Variants in MTHFD1L observed in about 807,000 individuals in gnomAD.
MTHFD1L encodes monofunctional C1-tetrahydrofolate synthase, mitochondrial.
MTHFD1L carries 81 observed loss-of-function variants against 119.5 expected under a neutral mutation model. That is an observed-to-expected ratio of 0.68 (90% CI 0.57 to 0.82). The LOEUF is 0.82. MTHFD1L is among the 40% of genes least tolerant of loss of function. The pLI is 0.00. For missense variants in MTHFD1L, 1,125 were observed against 1,253.4 expected (o/e 0.90, Z 1.55); for synonymous variants, 430 against 475.2 (o/e 0.90, Z 1.24).
intron 26 of MTHFD1L, 120 bp downstream of exon 26, chr6:151,037,237 A>ATATT (rs1238853571): frequency 9.5e-7 from 1 of 1,052,136 alleles, no homozygotes; most frequent in African/African-American, 1.6e-5. Context: ...AGTAATTAAT[A>ATATT]GTACAGTATT....
chr6:150,877,647 A>G lies in MTHFD1L; in HGVS notation c.326A>G (p.Asn109Ser). 1 of 1,614,192 alleles carries G rather than the reference A, an allele frequency of 6.2e-7. No individual in the cohort carries two copies. Among genetic ancestry groups the G allele is most frequent in the Non-Finnish European group, 8.5e-7 (1 of 1,180,042 alleles). ...VLAIIQAGDD[N>S]LMQEINQNLA... The stretch of plus-strand genomic sequence containing the variant: ...TACCTTCCTAAGGCAGGTGACGACA[A>G]CTTGATGCAGGAAATCAACCAGAAT... Residue 109 changes from asparagine to serine, a missense_variant, in exon 3 of 28, where the codon AAC (asparagine) becomes AGC (serine). Asn to Ser is a conservative substitution (Grantham distance 46). Around this residue, in one of 3 missense-constraint regions of MTHFD1L, gnomAD observed 1,058 missense variants for 1,151.2 expected, o/e 0.92. Coordinates refer to ENST00000367321, the MANE Select transcript of MTHFD1L (RefSeq NM_015440.5).
At chr6:150,886,435 C>CAAA (rs996165446) in intron 6 of MTHFD1L, among the ~76,000 whole-genome samples, 10 of 69,618 alleles carry the variant, frequency 1.4e-4, no homozygotes, top group East Asian at 4.5e-4. Flanking sequence ...GACCCTGCCT[C>CAAA]AAAAAAAAAA....
At chr6:151,034,451 G>A (rs773891374) in intron 24 of MTHFD1L, 42 bp from the exon 25 acceptor site, 4 of 1,363,944 alleles carry the variant, frequency 2.9e-6, no homozygotes, top group Non-Finnish European at 4.2e-6. Context: ...TCTTTAACCA[G>A]ATTAAACTTA....
intron 19 of MTHFD1L, among the ~76,000 whole-genome samples, chr6:150,965,751 C>T (rs1797120132): frequency 6.6e-6 from 1 of 151,580 alleles, no homozygotes; most frequent in African/African-American, 2.4e-5. Flanking sequence ...CTTAATCTCT[C>T]ATAATCATTG....
chr6:151,100,199 A>C (rs1172756732), intron 27 of MTHFD1L, among the ~76,000 whole-genome samples: 1 of 151,794 alleles, frequency 6.6e-6, no homozygotes, highest in Non-Finnish European at 1.5e-5. Flanking sequence ...ACGCCCAGCT[A>C]ATTTTTTTGT....
intron 7 of MTHFD1L, among the ~76,000 whole-genome samples, chr6:150,892,956 T>C (rs1210079640): frequency 6.6e-6 from 1 of 152,164 alleles, no homozygotes; most frequent in African/African-American, 2.4e-5. Context: ...AAAAGCCACC[T>C]AGGCATGGGT....
chr6:150,967,737 GC>G (rs1453255713), intron 19 of MTHFD1L, among the ~76,000 whole-genome samples: 1 of 151,976 alleles, frequency 6.6e-6, no homozygotes, highest in Non-Finnish European at 1.5e-5. Context: ...GATGCTCAAT[GC>G]CTCCCTCCTT....
At chr6:150,930,202 ACCAG>A in intron 11 of MTHFD1L, among the ~76,000 whole-genome samples, 1 of 152,320 alleles carries the variant, frequency 6.6e-6, no homozygotes, top group Admixed American at 6.5e-5. Context: ...GGAGTTCAAG[ACCAG>A]CCTGAGCTGC....
chr6:150,866,960 G>T (rs1346523041), intron 1 of MTHFD1L, among the ~76,000 whole-genome samples: 1 of 152,172 alleles, frequency 6.6e-6, no homozygotes, highest in Non-Finnish European at 1.5e-5. Context: ...TCCAGGATGC[G>T]GTTTCCCCGG....
At chr6:151,046,469 G>GTATATATATA (rs1437936861) in intron 26 of MTHFD1L, among the ~76,000 whole-genome samples, 1 of 116,864 alleles carries the variant, frequency 8.6e-6, no homozygotes, top group Non-Finnish European at 1.7e-5. Context: ...ATATGTGTGT[G>GTATATATATA]TGTATATATA....
At chr6:150,906,734 G>C (rs573399864) in intron 8 of MTHFD1L, among the ~76,000 whole-genome samples, 1 of 152,304 alleles carries the variant, frequency 6.6e-6, no homozygotes, top group East Asian at 1.9e-4. Context: ...CCATACTTGA[G>C]GTTGAAATCT....
At chr6:150,958,405 T>C (rs1795951463) in intron 17 of MTHFD1L, among the ~76,000 whole-genome samples, 1 of 152,198 alleles carries the variant, frequency 6.6e-6, no homozygotes, top group Non-Finnish European at 1.5e-5. Flanking sequence ...CATATATTTG[T>C]GTGTATACTT....
In MTHFD1L at chr6:151,015,141, A is replaced by G. The variant is rs147399559; in HGVS notation, c.2408+161A>G. ...TTATTTGGTTTGGTTTCATTTTAGC[A>G]AATGTGTTCTCACAATGTTATTAAG... On this transcript the variant is annotated intron_variant, in intron 23 of 27. Transcript: ENST00000367321. Among the ~76,000 whole-genome samples, 122 of 151,592 alleles carry G rather than the reference A, an allele frequency of 8.0e-4. 1 individual carries two copies. In the East Asian group the frequency reaches 0.02, roughly 25 times the overall value.
intron 8 of MTHFD1L, among the ~76,000 whole-genome samples, chr6:150,918,020 A>G (rs1788269845): frequency 6.7e-6 from 1 of 150,216 alleles, no homozygotes; most frequent in Admixed American, 6.6e-5. Context: ...GTGCTTCATT[A>G]CATTTTTTAA....
At chr6:151,019,229 A>G (rs1043212065) in intron 24 of MTHFD1L, among the ~76,000 whole-genome samples, 2 of 151,988 alleles carry the variant, frequency 1.3e-5, no homozygotes, top group East Asian at 3.9e-4. Context: ...TGATCATGCC[A>G]TCTGATCATG....
At position 150,926,174 on chromosome 6, in the gene MTHFD1L, A is replaced by T; in HGVS notation, c.1135A>T (p.Lys379Ter). ...TCCAAAAGCTGTGGATGTCCTTGCC[A>T]AGGAGATTGGATTGCTTGCAGATGA... ...QTPKAVDVLA[K>*]EIGLLADEIE... The change falls in exon 11 of 28, where the codon AAG becomes TAG. Residue 379 changes from lysine (K) to a stop codon, truncating the protein, a stop_gained. Coordinates refer to ENST00000367321, the MANE Select transcript of MTHFD1L (RefSeq NM_015440.5). LOFTEE classifies it high-confidence loss of function. This position sits in a 1 kb window ranked among gnomAD's most constrained non-coding sequence, Gnocchi z 4.3. The T allele has an allele frequency of 6.2e-7, 1 of 1,614,102 alleles. No homozygotes were observed. The highest frequency in any genetic ancestry group is 8.5e-7 in the Non-Finnish European group (1 of 1,179,992).
chr6:150,942,384 C>CCA (rs1380325785), intron 13 of MTHFD1L, among the ~76,000 whole-genome samples: 2 of 152,082 alleles, frequency 1.3e-5, no homozygotes, highest in African/African-American at 4.8e-5. Context: ...AAATGGACTC[C>CCA]CACACACTGC....
chr6:150,963,338 T>C lies in MTHFD1L; in HGVS notation c.1945-1631T>C, dbSNP rs111228549. ...TACGTAGGAATATAGTTAGTAATAG[T>C]GTATTCCTGAAAATTGCTAAGAGTG... is the stretch of plus-strand genomic sequence containing the variant. On this transcript the variant is annotated intron_variant, in intron 18 of 27. Coordinates refer to ENST00000367321, the MANE Select transcript of MTHFD1L (RefSeq NM_015440.5). Among the ~76,000 whole-genome samples, 497 of 110,880 alleles carry C rather than the reference T, an allele frequency of 4.5e-3. 1 individual carries two copies. Among genetic ancestry groups the C allele is most frequent in the African/African-American group, 0.016 (440 of 27,800 alleles). 72.7% of individuals were successfully genotyped at this position (110,880 alleles called of 152,430 possible). A position where few individuals can be genotyped will look rare whatever the true frequency, so the allele number is the denominator to read the frequency against.
At chr6:150,968,846 C>CTTT (rs145806257) in intron 19 of MTHFD1L, among the ~76,000 whole-genome samples, 1 of 108,528 alleles carries the variant, frequency 9.2e-6, no homozygotes, top group East Asian at 2.8e-4. Flanking sequence ...TTAAATAATT[C>CTTT]TTTTTTTTTT....
Sources: gnomAD v4.1 joint callset for allele counts (sites outside exome capture counted in the v4.1 genomes callset) on GRCh38, gnomAD v4.1.1 for gene constraint, gnomAD v4.1.1 regional missense constraint, Gnocchi (gnomAD v3.1) non-coding constraint, MANE v1.5 for transcripts, NCBI Gene and HGNC (gene_info 2026-07-23, HGNC 2026-07-21) for gene names.